Variants in DMD observed in about 807,000 individuals in gnomAD.
The protein encoded by DMD is dystrophin, also known as mutant dystrophin.
DMD carries 63 observed loss-of-function variants against 330.1 expected under a neutral mutation model. The ratio of observed to expected loss-of-function variants is 0.19; its 90% confidence interval spans 0.16 to 0.24. DMD has a LOEUF of 0.24. Among genes scored for constraint, DMD ranks in the 10% least tolerant of loss-of-function variants. DMD has a pLI of 1.00. For missense variants in DMD, 3,344 were observed against 2,684.1 expected, an observed-to-expected ratio of 1.25 and a Z score of -5.43; for synonymous variants, 1,223 against 959.8, an observed-to-expected ratio of 1.27 and a Z score of -5.07.
intron 7 of DMD, among the ~76,000 whole-genome samples, chrX:32,708,249 G>A (rs2064863809): frequency 9.1e-6 from 1 of 109,501 alleles, no homozygotes; most frequent in South Asian, 3.8e-4. Flanking sequence ...ACTCAATGAT[G>A]ACTAGCTTAA....
At position 31,473,845 on chromosome X, in the gene DMD, C is replaced by A. The variant is rs190622336; in HGVS notation, c.8937+4261G>T. ...TTTATTAAAGCCTTTATATATTCCA[C>A]TTACAGATCTATGTGGAACACCTAG... is the stretch of plus-strand genomic sequence containing the variant. On this transcript the variant is annotated intron_variant, in intron 59 of 78. Coordinates refer to ENST00000357033, the MANE Select transcript of DMD (RefSeq NM_004006.3). 3.8e-4 allele frequency among the ~76,000 whole-genome samples: 42 copies of A among 111,492 alleles called. 1 individual carries two copies. Among genetic ancestry groups the A allele is most frequent in the African/African-American group, 1.3e-3 (41 of 30,573 alleles).
chrX:32,378,803 T>C (rs2097914010), intron 34 of DMD, among the ~76,000 whole-genome samples: 1 of 111,244 alleles, frequency 9.0e-6, no homozygotes, highest in Non-Finnish European at 1.9e-5. Context: ...ATGTGACATT[T>C]ATCTTTTGAA....
At position 32,990,809 on chromosome X, in the gene DMD, A is replaced by C. The variant is rs149780503; in HGVS notation, c.93+29330T>G. On this transcript the variant is annotated intron_variant, in intron 2 of 78. Transcript: ENST00000357033. ...TTTGAAAGCGTACCAAAAAGTATTC[A>C]CACAAGGTTTGTGTCACACAAGGAG... is the stretch of plus-strand genomic sequence containing the variant. Among the ~76,000 whole-genome samples the C allele has an allele frequency of 8.5e-3, 953 of 111,526 alleles. 36 individuals carry two copies. Among genetic ancestry groups the C allele is most frequent in the Admixed American group, 0.074 (769 of 10,395 alleles).
chrX:32,288,938 A>G (rs1433514614), intron 42 of DMD, among the ~76,000 whole-genome samples: 1 of 111,464 alleles, frequency 9.0e-6, no homozygotes, highest in Non-Finnish European at 1.9e-5. Flanking sequence ...AACAAGAAGG[A>G]TGGGTAATAT....
At chrX:31,915,043 T>A (rs1382887943) in intron 47 of DMD, among the ~76,000 whole-genome samples, 3 of 112,052 alleles carry the variant, frequency 2.7e-5, no homozygotes, top group Admixed American at 1.9e-4. Context: ...TTTAAAAAAA[T>A]TTTAAAAAGA....
chrX:31,890,360 C>CAA lies in DMD; in HGVS notation c.6913-14989_6913-14988dup, dbSNP rs57846708. ...GATTGTTGTTTCAAAAAAAACAAAA[C>CAA]AAAAAAAAAAAGAAGAAGAAAGAAA... is the stretch of plus-strand genomic sequence containing the variant. On this transcript the variant is annotated intron_variant, in intron 47 of 78. Coordinates refer to ENST00000357033, the MANE Select transcript of DMD (RefSeq NM_004006.3). Among the ~76,000 whole-genome samples, 122 of 72,800 alleles carry CAA rather than the reference C, an allele frequency of 1.7e-3. 1 individual carries two copies. Among genetic ancestry groups the CAA allele is most frequent in the Non-Finnish European group, 2.3e-3 (84 of 36,709 alleles). 63.2% of individuals were successfully genotyped at this position (72,800 alleles called of 115,157 possible). A position where few individuals can be genotyped will look rare whatever the true frequency, so the allele number is the denominator to read the frequency against.
At chrX:31,734,725 T>C (rs1428177023) in intron 51 of DMD, among the ~76,000 whole-genome samples, 1 of 111,010 alleles carries the variant, frequency 9.0e-6, no homozygotes, top group Non-Finnish European at 1.9e-5. Context: ...CGAGTAGTGA[T>C]GACAGGCAAT....
intron 5 of DMD, among the ~76,000 whole-genome samples, chrX:32,817,047 TA>T (rs201801897): frequency 0.016 from 1,778 of 112,112 alleles, 33 homozygotes; most frequent in African/African-American, 0.052. Flanking sequence ...AATTGTTTTT[TA>T]AAGTATATGT....
intron 1 of DMD, among the ~76,000 whole-genome samples, chrX:33,200,231 C>T (rs377279353): frequency 9.0e-6 from 1 of 111,254 alleles, no homozygotes; most frequent in Admixed American, 9.6e-5. Flanking sequence ...TTGGGAATGA[C>T]ATTTGAATAT....
rs754273346 is a variant in DMD, at chrX:31,287,333, G to T, written c.9225-26317C>A. Among the ~76,000 whole-genome samples, 3 of 111,996 alleles carry T rather than the reference G, an allele frequency of 2.7e-5. No individual in the cohort carries two copies. The South Asian group carries it at 1.1e-3, about 42-fold the overall frequency. On this transcript the variant is annotated intron_variant, in intron 62 of 78. Transcript: ENST00000357033. ...CCCCAATCTGAAAATTTCTCTGTCT[G>T]CCAAAAGAAACAGAGAATCCTTCTA... is the stretch of plus-strand genomic sequence containing the variant.
chrX:32,932,224 G>C (rs1267556717), intron 2 of DMD, among the ~76,000 whole-genome samples: 1 of 112,151 alleles, frequency 8.9e-6, no homozygotes, highest in Non-Finnish European at 1.9e-5. Context: ...TATTTTGTAA[G>C]GTGGGGTCAC....
intron 9 of DMD, among the ~76,000 whole-genome samples, chrX:32,651,861 A>G (rs2060180385): frequency 8.9e-6 from 1 of 112,515 alleles, no homozygotes; most frequent in African/African-American, 3.2e-5. Flanking sequence ...CAAAAAATAA[A>G]GCTAACAAAT....
chrX:31,793,813 C>A (rs1257902966), intron 50 of DMD, among the ~76,000 whole-genome samples: 1 of 111,810 alleles, frequency 8.9e-6, no homozygotes, highest in Admixed American at 9.5e-5. Flanking sequence ...TAGATTGGGA[C>A]CCTCTGTATA....
intron 9 of DMD, among the ~76,000 whole-genome samples, chrX:32,670,700 A>G (rs1040995070): frequency 8.9e-6 from 1 of 112,410 alleles, no homozygotes; most frequent in Admixed American, 9.5e-5. Context: ...ACATGAAACC[A>G]CTGGTTGAGA....
intron 18 of DMD, among the ~76,000 whole-genome samples, chrX:32,502,419 A>G (rs1224636145): frequency 2.7e-5 from 3 of 111,807 alleles, no homozygotes; most frequent in Non-Finnish European, 3.8e-5. Flanking sequence ...GTTTCAAAAA[A>G]CTTTCTGAAT....
intron 51 of DMD, among the ~76,000 whole-genome samples, chrX:31,744,108 T>A (rs1033334089): frequency 9.0e-6 from 1 of 111,683 alleles, no homozygotes; most frequent in African/African-American, 3.3e-5. Context: ...GCTAACACGA[T>A]CCTCCTGCCT....
In DMD at chrX:31,178,447, T is replaced by C. The variant is rs866257512; in HGVS notation, c.10223+222A>G. 2.6e-4 allele frequency: 221 copies of C among 865,149 alleles called. 2 individuals carry two copies. Among genetic ancestry groups the C allele is most frequent in the Admixed American group, 1.6e-3 (28 of 17,271 alleles). The allele number at this position is 865,149 out of a possible 1,213,427, so 71.3% of individuals were successfully genotyped here. A position where few individuals can be genotyped will look rare whatever the true frequency, so the allele number is the denominator to read the frequency against. On this transcript the variant is annotated intron_variant, in intron 70 of 78. Coordinates refer to ENST00000357033, the MANE Select transcript of DMD (RefSeq NM_004006.3). ...TTGTGTTGTGGTTTTTTTTTTTTTT[T>C]CCCCCTGTGAGATAAAGTTTAACTT...
chrX:32,250,469 G>A (rs2097259050), intron 43 of DMD, among the ~76,000 whole-genome samples: 1 of 111,675 alleles, frequency 9.0e-6, no homozygotes, highest in Non-Finnish European at 1.9e-5. Flanking sequence ...TAGTTTAGCA[G>A]GTTTTATTTT....
intron 44 of DMD, among the ~76,000 whole-genome samples, chrX:31,979,833 TC>T (rs750182415): frequency 8.6e-4 from 97 of 112,209 alleles, no homozygotes; most frequent in African/African-American, 3.0e-3. Flanking sequence ...TTCCCAGTCT[TC>T]AAGTTATATG....
Sources: allele counts gnomAD v4.1 joint callset (sites outside exome capture counted in the v4.1 genomes callset), GRCh38; gene constraint gnomAD v4.1.1; transcripts MANE v1.5; gene names NCBI Gene and HGNC (gene_info 2026-07-23, HGNC 2026-07-21).